CDC42BPG: variants seen among roughly 807,000 people sequenced by gnomAD.
CDC42BPG encodes the protein CDC42 binding protein kinase gamma, also known as serine/threonine-protein kinase MRCK gamma.
Under a neutral mutation model 192.2 loss-of-function variants are expected in CDC42BPG, and 157 were observed. That is an observed-to-expected ratio of 0.82 (90% CI 0.72 to 0.93). The LOEUF is 0.93. Ranked by LOEUF, CDC42BPG falls within the 40% of genes least tolerant of loss-of-function variation. The pLI is 0.00. For synonymous variants in CDC42BPG, 981 were observed against 918.5 expected, an observed-to-expected ratio of 1.07 and a Z score of -1.23; for missense variants, 1,992 against 2,122.1, an observed-to-expected ratio of 0.94 and a Z score of 1.20.
intron 28 of CDC42BPG, among the ~76,000 whole-genome samples, chr11:64,831,272 C>T (rs1162190893): frequency 2.6e-5 from 4 of 151,728 alleles, no homozygotes; most frequent in African/African-American, 9.7e-5. Flanking sequence ...GCTTGAGATT[C>T]TTTTGGAAAA....
Position 64,837,023 on chromosome 11 carries a change from T to C in CDC42BPG, c.1206-4A>G, listed in dbSNP as rs757564786. 1.2e-6 allele frequency: 2 copies of C among 1,610,982 alleles called. No individual in the cohort carries two copies. The highest frequency in any genetic ancestry group is 1.1e-5 in the South Asian group (1 of 91,028). On this transcript the variant is annotated splice_region_variant and splice_polypyrimidine_tract_variant and intron_variant, in intron 9 of 36. Coordinates refer to ENST00000342711, the MANE Select transcript of CDC42BPG (RefSeq NM_017525.3). Reference sequence around the variant, plus strand: ...AGAGCTGCTCTCAGGACTGTGACTGTAGGGGGACAGGGGCCATGTTTGTTG... The same window carrying C: ...AGAGCTGCTCTCAGGACTGTGACTGCAGGGGGACAGGGGCCATGTTTGTTG...
chr11:64,831,168 A>C (rs960480325), intron 28 of CDC42BPG, among the ~76,000 whole-genome samples: 4 of 151,834 alleles, frequency 2.6e-5, no homozygotes, highest in Admixed American at 6.6e-5. Context: ...CAGTGAGCTG[A>C]GATTGCACTG....
At position 64,838,004 on chromosome 11, in the gene CDC42BPG, C is replaced by A. The variant is rs1943097256; in HGVS notation, c.1205+79G>T. On this transcript the variant is annotated intron_variant, in intron 9 of 36. Transcript: ENST00000342711. ...GCCCTTCTGCCCTCCTTCCCAGGGC[C>A]CCAGTGGGCTACGCGCCCAGTGTCC... The A allele has an allele frequency of 2.6e-5, 32 of 1,232,760 alleles. No individual in the cohort carries two copies. In the South Asian group the frequency reaches 4.1e-4, roughly 16 times the overall value. 76.4% of individuals were successfully genotyped at this position (1,232,760 alleles called of 1,614,324 possible).
chr11:64,840,431 G>T (rs1209331564), intron 4 of CDC42BPG, 122 bp downstream of exon 4: 1 of 1,371,800 alleles, frequency 7.3e-7, no homozygotes, highest in Non-Finnish European at 1.0e-6. Flanking sequence ...CCAGGAACTG[G>T]TGGGAAGTGG....
chr11:64,844,406 T>G lies in CDC42BPG; in HGVS notation c.160+4A>C. Reference sequence around the variant, plus strand: ...CCCCCGCTCCGTGCCGCCCCGCCACTCACCCCAGCTCAGGAACTGCGCCAC... The same window carrying G: ...CCCCCGCTCCGTGCCGCCCCGCCACGCACCCCAGCTCAGGAACTGCGCCAC... On this transcript the variant is annotated splice_donor_region_variant and intron_variant, in intron 1 of 36. Transcript: ENST00000342711. 1 of 1,443,810 alleles carries G rather than the reference T, an allele frequency of 6.9e-7. No individual in the cohort carries two copies. Among genetic ancestry groups the G allele is most frequent in the Non-Finnish European group, 9.1e-7 (1 of 1,103,208 alleles). 89.4% of individuals were successfully genotyped at this position (1,443,810 alleles called of 1,614,324 possible).
In CDC42BPG at chr11:64,835,359, C is replaced by T. The variant is rs748788910; in HGVS notation, c.1941G>A (p.Arg647=). ...GTACCCTGCTCACCCGCTCCTGCTC[C>T]CGGCTCAGCCTCCGGTTTTCCTCCT... The part of the protein sequence containing the change: ...QLQEENRRLS[R]EQERLEAELA... Residue 647 remains arginine (R), a synonymous_variant, in exon 16 of 37, where the codon CGG becomes CGA. Coordinates refer to ENST00000342711, the MANE Select transcript of CDC42BPG (RefSeq NM_017525.3). The T allele has an allele frequency of 1.8e-5, 29 of 1,613,918 alleles. No homozygotes were observed. Among genetic ancestry groups the T allele is most frequent in the Non-Finnish European group, 2.4e-5 (28 of 1,180,024 alleles).
chr11:64,825,265 T>C (rs765048479), intron 36 of CDC42BPG, among the ~76,000 whole-genome samples: 13 of 152,102 alleles, frequency 8.5e-5, no homozygotes, highest in Non-Finnish European at 1.8e-4. Context: ...GTCGACCACA[T>C]GCTTTACTCT....
Position 64,827,043 on chromosome 11 carries a change from G to C in CDC42BPG, c.4389+7C>G, listed in dbSNP as rs1177833961. The stretch of plus-strand genomic sequence containing the variant: ...AAGTGGCTTGTGATTGGCTCCAGAG[G>C]ACTAACCGGGGACTTGTCCCTGGCG... On this transcript the variant is annotated splice_region_variant and intron_variant, in intron 34 of 36. Transcript: ENST00000342711. The C allele has an allele frequency of 3.2e-6, 5 of 1,581,180 alleles. No individual in the cohort carries two copies. In the South Asian group the frequency reaches 4.4e-5, roughly 14 times the overall value.
chr11:64,840,435 G>C, intron 4 of CDC42BPG, 118 bp downstream of exon 4: 1 of 1,377,322 alleles, frequency 7.3e-7, no homozygotes, highest in Non-Finnish European at 1.0e-6. Context: ...GAACTGGTGG[G>C]AAGTGGGAGT....
chr11:64,839,633 A>C (rs1274202542), intron 5 of CDC42BPG, 62 bp from the exon 6 acceptor site: 2 of 1,399,618 alleles, frequency 1.4e-6, no homozygotes, highest in Non-Finnish European at 2.0e-6. Flanking sequence ...CCATTTAGGC[A>C]CACGCCCAGG....
rs1396354356 is a variant in CDC42BPG, at chr11:64,832,420, G to C, written c.3087+8C>G. Reference sequence around the variant, plus strand: ...TGGTGGCTGCTCCATCTCATCCCAGGCACTCACCCTAAAGATGCGTGGCAG... The same window carrying C: ...TGGTGGCTGCTCCATCTCATCCCAGCCACTCACCCTAAAGATGCGTGGCAG... On this transcript the variant is annotated splice_region_variant and intron_variant, in intron 27 of 36. Coordinates refer to ENST00000342711, the MANE Select transcript of CDC42BPG (RefSeq NM_017525.3). 1 of 1,612,684 alleles carries C rather than the reference G, an allele frequency of 6.2e-7. No individual in the cohort carries two copies. Among genetic ancestry groups the C allele is most frequent in the Non-Finnish European group, 8.5e-7 (1 of 1,179,368 alleles).
intron 1 of CDC42BPG, among the ~76,000 whole-genome samples, chr11:64,843,478 T>C (rs1943370539): frequency 6.6e-6 from 1 of 152,042 alleles, no homozygotes; most frequent in Non-Finnish European, 1.5e-5. Context: ...CTGGCACATC[T>C]AGGTGGCAGC....
intron 5 of CDC42BPG, 122 bp from the exon 6 acceptor site, chr11:64,839,693 T>TG: frequency 4.0e-6 from 3 of 748,366 alleles, no homozygotes; most frequent in Non-Finnish European, 6.6e-6. Context: ...TTCCTGTGTG[T>TG]AGGTGCTCAT....
rs1942604928 is a variant in CDC42BPG at position 64,829,906 on chromosome 11, C to T, written c.3532G>A (p.Gly1178Ser). 1.2e-6 allele frequency: 2 copies of T among 1,609,924 alleles called. No individual in the cohort carries two copies. Among genetic ancestry groups the T allele is most frequent in the South Asian group, 2.2e-5 (2 of 90,980 alleles). The change falls in exon 30 of 37, where the codon GGC becomes AGC. Residue 1178 changes from glycine (G) to serine (S), a missense_variant. This residue lies in a region of CDC42BPG where 1,656 missense variants were observed against 1,844.3 expected (regional missense o/e 0.90). Coordinates refer to ENST00000342711, the MANE Select transcript of CDC42BPG (RefSeq NM_017525.3). ...VAGAKIPESR[G>S]CQVLAAGSIL... ...CTTCCAGCTGCCAGCACCTGGCAGC[C>T]TCGAGACTCGGGGATCTTGGCACCT...
At position 64,829,687 on chromosome 11, in the gene CDC42BPG, G is replaced by C; in HGVS notation, c.3751C>G (p.Leu1251Val). The C allele has an allele frequency of 6.2e-7, 1 of 1,611,704 alleles. No individual in the cohort carries two copies. ...GCCAACGGCGCAGCCTCGTTGAGCA[G>C]CGGGTAGAGTGCAAAGCCACCGGCG... ...GAAGGFALYP[L>V]LNEAAPLALG... The change falls in exon 30 of 37, where the codon CTG becomes GTG. Residue 1251 changes from leucine (L) to valine (V), a missense_variant. By Grantham distance (32) the Leu-to-Val change is conservative. Around this residue, in one of 2 missense-constraint regions of CDC42BPG, gnomAD observed 1,656 missense variants for 1,844.3 expected, o/e 0.90. Coordinates refer to ENST00000342711, the MANE Select transcript of CDC42BPG (RefSeq NM_017525.3).
chr11:64,824,402 G>T lies in CDC42BPG; in HGVS notation c.*71C>A. 9.4e-7 allele frequency: 1 copy of T among 1,062,608 alleles called. No individual in the cohort carries two copies. Among genetic ancestry groups the T allele is most frequent in the Non-Finnish European group, 1.5e-6 (1 of 674,828 alleles). The allele number at this position is 1,062,608 out of a possible 1,614,324, so 65.8% of individuals were successfully genotyped here. A position where few individuals can be genotyped will look rare whatever the true frequency, so the allele number is the denominator to read the frequency against. ...CCATGTCCCGGACCAGCCGGAGTATGGCATTCCTCAAGCTCTTTGCTCCCT... is the reference window on the plus strand; with the variant it reads ...CCATGTCCCGGACCAGCCGGAGTATTGCATTCCTCAAGCTCTTTGCTCCCT... On this transcript the variant is annotated 3_prime_UTR_variant, in exon 37 of 37. Transcript: ENST00000342711.
intron 36 of CDC42BPG, 123 bp downstream of exon 36, chr11:64,826,347 A>T (rs1288391024): frequency 2.0e-5 from 14 of 704,668 alleles, no homozygotes; most frequent in African/African-American, 1.9e-4. Flanking sequence ...TGCATCTCGT[A>T]GAATCGAGGG....
At position 64,836,158 on chromosome 11, in the gene CDC42BPG, G is replaced by A. The variant is rs768361584; in HGVS notation, c.1627C>T (p.Leu543=). ...EAATASQTRA[L]SSQLEEARAA... The stretch of plus-strand genomic sequence containing the variant: ...CGGGCTTCCTCCAGCTGGGAGCTCA[G>A]GGCCCGGGTCTGGCTAGCTGTGGCC... Residue 543 remains leucine (L), a synonymous_variant, in exon 13 of 37, where the codon CTG becomes TTG. Transcript: ENST00000342711. The A allele has an allele frequency of 1.3e-6, 2 of 1,598,464 alleles. No homozygotes were observed. Among genetic ancestry groups the A allele is most frequent in the Middle Eastern group, 1.8e-4 (1 of 5,504 alleles).
Position 64,832,868 on chromosome 11 carries a change from G to C in CDC42BPG, c.2823C>G (p.His941Gln). 1.9e-6 allele frequency: 3 copies of C among 1,567,608 alleles called. No homozygotes were observed. The highest frequency in any genetic ancestry group is 2.6e-6 in the Non-Finnish European group (3 of 1,156,440). The change falls in exon 25 of 37, where the codon CAC (histidine) becomes CAG (glutamine). Residue 941 changes from histidine to glutamine, a missense_variant. Physicochemically the swap from His to Gln is conservative, Grantham distance 24. Transcript: ENST00000342711. Reference sequence around the variant, plus strand: ...AGGCAGTGCCTGTGCCTGTTTCGGGGTGTACTCCCAGGGCTGTGCGGAGGA... The same window carrying C: ...AGGCAGTGCCTGTGCCTGTTTCGGGCTGTACTCCCAGGGCTGTGCGGAGGA... ...PDLLRTALGV[H>Q]PETGTGTAYE...
Sources: allele counts gnomAD v4.1 joint callset (sites outside exome capture counted in the v4.1 genomes callset), GRCh38; gene constraint gnomAD v4.1.1; regional missense constraint gnomAD v4.1.1; transcripts MANE v1.5; gene names NCBI Gene and HGNC (gene_info 2026-07-23, HGNC 2026-07-21).